Variants in NLRP8 observed in about 807,000 individuals in gnomAD.
NLRP8 encodes NACHT, LRR and PYD domains-containing protein 8.
Under a neutral mutation model 88.7 loss-of-function variants are expected in NLRP8, and 86 were observed. That is an observed-to-expected ratio of 0.97 (90% CI 0.81 to 1.16). The LOEUF (loss-of-function observed/expected upper bound fraction) is 1.16. Among genes scored for constraint, NLRP8 ranks in the 50% most tolerant of loss-of-function variants. The probability of loss-of-function intolerance (pLI) is 0.00; values close to 1 mark genes in which losing one functional copy is unlikely to be tolerated. For synonymous variants in NLRP8, 504 were observed against 494.6 expected (o/e 1.02, Z -0.25); for missense variants, 1,342 against 1,286.5 (o/e 1.04, Z -0.66).
At chr19:55,951,164 C>A (rs919345712) in intron 1 of NLRP8, among the ~76,000 whole-genome samples, 1 of 152,154 alleles carries the variant, frequency 6.6e-6, no homozygotes, top group African/African-American at 2.4e-5. Context: ...GGCAAGAAGG[C>A]CATGCTGTGC....
intron 8 of NLRP8, 74 bp downstream of exon 8, chr19:55,976,377 A>C: frequency 8.0e-7 from 1 of 1,249,556 alleles, no homozygotes; most frequent in Non-Finnish European, 1.1e-6. Flanking sequence ...GGAATATATA[A>C]CAGGAAAGGG....
intron 1 of NLRP8, among the ~76,000 whole-genome samples, chr19:55,948,995 A>G (rs1463667729): frequency 1.3e-5 from 2 of 152,180 alleles, no homozygotes; most frequent in East Asian, 3.9e-4. Flanking sequence ...CTCATCTTCA[A>G]TATGAATAAA....
chr19:55,985,290 G>A (rs1032524253), intron 9 of NLRP8, among the ~76,000 whole-genome samples: 1 of 151,672 alleles, frequency 6.6e-6, no homozygotes, highest in Admixed American at 6.6e-5. Context: ...GTGACAGTGT[G>A]AGACTCTGTC....
rs1979308765 is a variant in NLRP8, at chr19:55,955,558, A to G, written c.1500A>G (p.Glu500=). 9 of 1,614,202 alleles carry G rather than the reference A, an allele frequency of 5.6e-6. No individual in the cohort carries two copies. The highest frequency in any genetic ancestry group is 7.6e-6 in the Non-Finnish European group (9 of 1,180,032). ...TTCTTCGGAGAATTGCAGGTGAGGA[A>G]GACCACTATGTCTTTACCCTCGTGA... The change falls in exon 3 of 10, where the codon GAA becomes GAG. Residue 500 remains glutamate (E), a synonymous_variant. Transcript: ENST00000291971.
In NLRP8 at chr19:55,962,066, G is replaced by A; in HGVS notation, c.2043-1G>A. The A allele has an allele frequency of 6.2e-7, 1 of 1,613,174 alleles. No individual in the cohort carries two copies. The highest frequency in any genetic ancestry group is 1.1e-5 in the South Asian group (1 of 91,038). ...TTTTCTCTCTTCTCCCTTCCATGTA[G>A]AGCGCCAGAGAGCAATGGGCTGCAT... On this transcript the variant is annotated splice_acceptor_variant, in intron 3 of 9. Transcript: ENST00000291971. LOFTEE classifies it high-confidence loss of function.
At chr19:55,976,514 G>T (rs907920825) in intron 8 of NLRP8, among the ~76,000 whole-genome samples, 3 of 152,060 alleles carry the variant, frequency 2.0e-5, no homozygotes, top group Non-Finnish European at 4.4e-5. Flanking sequence ...AAATTTTGGG[G>T]CCCCACTTCG....
intron 5 of NLRP8, among the ~76,000 whole-genome samples, chr19:55,967,386 T>C (rs1326366099): frequency 6.6e-6 from 1 of 152,136 alleles, no homozygotes; most frequent in Non-Finnish European, 1.5e-5. Context: ...CCTCCTACTC[T>C]CTATGTCCAT....
chr19:55,950,809 G>A (rs144345638), intron 1 of NLRP8, among the ~76,000 whole-genome samples: 226 of 152,358 alleles, frequency 1.5e-3, no homozygotes, highest in African/African-American at 5.3e-3. Context: ...GCCAGGCGCA[G>A]TGGCTCACGC....
rs144675745 is a variant in NLRP8 at position 55,954,763 on chromosome 19, C to T, written c.705C>T (p.His235=). 567 of 1,614,220 alleles carry T rather than the reference C, an allele frequency of 3.5e-4. 1 individual carries two copies. Among genetic ancestry groups the T allele is most frequent in the Middle Eastern group, 4.9e-4 (3 of 6,062 alleles). ...GGGCCAGAAACAAGTTCTACGCCCA[C>T]AAGCGCTGGTGTGCTTTCTACTTCC... The change falls in exon 3 of 10, where the codon CAC becomes CAT. Residue 235 remains histidine (H), a synonymous_variant. Coordinates refer to ENST00000291971, the MANE Select transcript of NLRP8 (RefSeq NM_176811.2).
At position 55,947,977 on chromosome 19, in the gene NLRP8, G is replaced by T. The variant is rs1486925277; in HGVS notation, c.75G>T (p.Pro25=). The change falls in exon 1 of 10, where the codon CCG becomes CCT. Residue 25 remains proline (P), a synonymous_variant. Coordinates refer to ENST00000291971, the MANE Select transcript of NLRP8 (RefSeq NM_176811.2). Reference sequence around the variant, plus strand: ...CCTCCACTCACAGTTCTCATATTCCGCCCTGGACATTCTCTTGCTACCCCG... The same window carrying T: ...CCTCCACTCACAGTTCTCATATTCCTCCCTGGACATTCTCTTGCTACCCCG... 5.6e-6 allele frequency: 9 copies of T among 1,613,776 alleles called. No individual in the cohort carries two copies. The highest frequency in any genetic ancestry group is 7.6e-6 in the Non-Finnish European group (9 of 1,179,990).
intron 3 of NLRP8, among the ~76,000 whole-genome samples, chr19:55,961,319 G>T (rs1484662210): frequency 6.6e-6 from 1 of 152,044 alleles, no homozygotes; most frequent in African/African-American, 2.4e-5. Context: ...GTCCTTCTAC[G>T]GCCAAACTAC....
chr19:55,959,023 C>T (rs544592170), intron 3 of NLRP8, among the ~76,000 whole-genome samples: 25 of 151,500 alleles, frequency 1.7e-4, no homozygotes, highest in Middle Eastern at 3.2e-3. Flanking sequence ...GGACTACAGG[C>T]GCCCGCCAAC....
chr19:55,985,200 G>A (rs1980753390), intron 9 of NLRP8, among the ~76,000 whole-genome samples: 1 of 152,160 alleles, frequency 6.6e-6, no homozygotes, highest in South Asian at 2.1e-4. Flanking sequence ...CTACTAGGGA[G>A]GTTGAGGCAG....
chr19:55,951,559 C>T (rs1270284519), intron 1 of NLRP8, among the ~76,000 whole-genome samples: 1 of 152,156 alleles, frequency 6.6e-6, no homozygotes, highest in Non-Finnish European at 1.5e-5. Context: ...CCTTGGTATC[C>T]ATGGGGGATT....
At chr19:55,973,601 T>G in intron 6 of NLRP8, 51 bp from the exon 7 acceptor site, 84 of 1,502,286 alleles carry the variant, frequency 5.6e-5, no homozygotes, top group Middle Eastern at 1.8e-4. Flanking sequence ...CCCTTCTGTG[T>G]GAGACAAAGA....
rs11880691 is a variant in NLRP8 at position 55,954,758 on chromosome 19, G to T, written c.700G>T (p.Ala234Ser). ...TGAGTGGGCCAGAAACAAGTTCTACGCCCACAAGCGCTGGTGTGCTTTCTA... is the reference window on the plus strand; with the variant it reads ...TGAGTGGGCCAGAAACAAGTTCTACTCCCACAAGCGCTGGTGTGCTTTCTA... Residue 234 changes from alanine (A) to serine (S), a missense_variant, in exon 3 of 10, where the codon GCC becomes TCC. By Grantham distance (99) the Ala-to-Ser change is moderately conservative (BLOSUM62 1). Transcript: ENST00000291971. 2.5e-6 allele frequency: 4 copies of T among 1,614,014 alleles called. No individual in the cohort carries two copies. Among genetic ancestry groups the T allele is most frequent in the Non-Finnish European group, 1.7e-6 (2 of 1,180,036 alleles).
intron 9 of NLRP8, among the ~76,000 whole-genome samples, chr19:55,987,289 T>C (rs1980893481): frequency 6.6e-6 from 1 of 152,182 alleles, no homozygotes; most frequent in Non-Finnish European, 1.5e-5. Context: ...AGAATCGCTT[T>C]AACCCAGGAG....
intron 9 of NLRP8, among the ~76,000 whole-genome samples, chr19:55,982,273 C>T (rs1980606697): frequency 6.6e-6 from 1 of 152,108 alleles, no homozygotes; most frequent in Admixed American, 6.6e-5. Flanking sequence ...AACCTCCACC[C>T]TAGCAATCCC....
chr19:55,970,737 G>A (rs764884578), intron 6 of NLRP8, 41 bp downstream of exon 6: 5 of 1,610,234 alleles, frequency 3.1e-6, no homozygotes, highest in Non-Finnish European at 4.2e-6. Flanking sequence ...GGTTGTGGTT[G>A]TGGTGGTTGT....
Sources: allele counts gnomAD v4.1 joint callset (sites outside exome capture counted in the v4.1 genomes callset), GRCh38; gene constraint gnomAD v4.1.1; transcripts MANE v1.5; gene names NCBI Gene and HGNC (gene_info 2026-07-23, HGNC 2026-07-21).